SYNE2: variants seen among roughly 807,000 people sequenced by gnomAD.
SYNE2 encodes nesprin-2.
Under a neutral mutation model 856.3 loss-of-function variants are expected in SYNE2, and 431 were observed. That is an observed-to-expected ratio of 0.50 (90% confidence interval 0.47 to 0.55). The LOEUF is 0.55. Ranked by LOEUF, SYNE2 falls within the 20% of genes least tolerant of loss-of-function variation. The probability of loss-of-function intolerance (pLI) is 0.00; values close to 1 mark genes in which losing one functional copy is unlikely to be tolerated. For synonymous variants in SYNE2, 2,923 were observed against 2,872.3 expected, an observed-to-expected ratio of 1.02 and a Z score of -0.56; for missense variants, 8,129 against 8,023.2, an observed-to-expected ratio of 1.01 and a Z score of -0.50.
At chr14:64,136,745 A>G (rs1385885887) in intron 78 of SYNE2, among the ~76,000 whole-genome samples, 1 of 152,082 alleles carries the variant, frequency 6.6e-6, no homozygotes, top group East Asian at 1.9e-4. Context: ...TCAGTAGAAG[A>G]CCCTGGAAAT....
intron 64 of SYNE2, among the ~76,000 whole-genome samples, chr14:64,105,171 C>G (rs1285179298): frequency 6.6e-6 from 1 of 152,204 alleles, no homozygotes; most frequent in Non-Finnish European, 1.5e-5. Context: ...GAGTAGCCCT[C>G]TAATTGGTTT....
chr14:63,925,290 C>G (rs1159017776), intron 2 of SYNE2, among the ~76,000 whole-genome samples: 1 of 152,312 alleles, frequency 6.6e-6, no homozygotes, highest in African/African-American at 2.4e-5. Flanking sequence ...CCACTGCACT[C>G]CAGCCTGGGT....
At chr14:63,913,859 T>TAAATTTTTAAATTTAATTTAATTTA (rs1356988084) in intron 2 of SYNE2, among the ~76,000 whole-genome samples, 3 of 151,440 alleles carry the variant, frequency 2.0e-5, no homozygotes, top group Non-Finnish European at 2.9e-5. Context: ...AATTTAATTT[T>TAAATTTTTAAATTTAATTTAATTTA]AAATTTTTAA....
chr14:64,122,273 T>A lies in SYNE2; in HGVS notation c.13281-13T>A. ...GTTGATTATTCTCTTCACCTTTTGT[T>A]CTTCTTCAAAAGCAACCAGGCATCC... On this transcript the variant is annotated splice_polypyrimidine_tract_variant and intron_variant, in intron 69 of 115. Coordinates refer to ENST00000555002, the MANE Select transcript of SYNE2 (RefSeq NM_182914.3). 1 of 1,614,210 alleles carries A rather than the reference T, an allele frequency of 6.2e-7. No individual in the cohort carries two copies. Among genetic ancestry groups the A allele is most frequent in the Non-Finnish European group, 8.5e-7 (1 of 1,180,022 alleles).
At chr14:64,138,664 G>A (rs1223583826) in intron 79 of SYNE2, among the ~76,000 whole-genome samples, 2 of 152,162 alleles carry the variant, frequency 1.3e-5, no homozygotes, top group East Asian at 3.8e-4. Flanking sequence ...TAACAGAATA[G>A]TTTGAAATAG....
intron 1 of SYNE2, among the ~76,000 whole-genome samples, chr14:63,820,474 T>C (rs1008529125): frequency 6.6e-6 from 1 of 152,192 alleles, no homozygotes; most frequent in Non-Finnish European, 1.5e-5. Flanking sequence ...AGGAAAAATA[T>C]TGTAGTCTTG....
intron 2 of SYNE2, among the ~76,000 whole-genome samples, chr14:63,927,072 G>C (rs1265529754): frequency 1.3e-5 from 2 of 152,208 alleles, no homozygotes; most frequent in Non-Finnish European, 2.9e-5. Flanking sequence ...CCTGAGGCTA[G>C]AGAGGTGCTC....
intron 96 of SYNE2, among the ~76,000 whole-genome samples, chr14:64,180,089 G>A (rs567693449): frequency 9.9e-5 from 15 of 152,192 alleles, no homozygotes; most frequent in African/African-American, 2.6e-4. Context: ...AATTTTATTC[G>A]TATGGATAGC....
chr14:64,073,460 C>G (rs1276791299), intron 52 of SYNE2, among the ~76,000 whole-genome samples: 1 of 152,216 alleles, frequency 6.6e-6, no homozygotes, highest in Non-Finnish European at 1.5e-5. Context: ...GGAACTACAG[C>G]AGAGATCAAG....
At chr14:63,831,590 CTG>C (rs1274746481) in intron 1 of SYNE2, among the ~76,000 whole-genome samples, 1 of 112,504 alleles carries the variant, frequency 8.9e-6, no homozygotes, top group Non-Finnish European at 1.7e-5. Context: ...GGATCTCACT[CTG>C]TCTCCCAGGC....
chr14:63,927,022 G>A (rs2095675765), intron 2 of SYNE2, among the ~76,000 whole-genome samples: 4 of 152,220 alleles, frequency 2.6e-5, no homozygotes, highest in African/African-American at 4.8e-5. Flanking sequence ...GAAAGAAGGC[G>A]GGAGTGGCTG....
At chr14:63,980,807 A>G (rs1461446664) in intron 15 of SYNE2, 75 bp downstream of exon 15, 2 of 1,224,350 alleles carry the variant, frequency 1.6e-6, no homozygotes, top group Admixed American at 2.0e-5. Flanking sequence ...TGCTTTCTAT[A>G]TAATGTTTTA....
chr14:63,762,117 G>C, intron 1 of SYNE2: 1 of 448,300 alleles, frequency 2.2e-6, no homozygotes. Flanking sequence ...ATGATCCTAC[G>C]ATAGAAGATT....
At chr14:64,174,074 T>C (rs1039575845) in intron 94 of SYNE2, 4 of 532,996 alleles carry the variant, frequency 7.5e-6, no homozygotes, top group Non-Finnish European at 1.3e-5. Flanking sequence ...TTAAATTTTT[T>C]TTTTTTTTTT....
intron 104 of SYNE2, 102 bp from the exon 105 acceptor site, chr14:64,212,709 T>C: frequency 9.3e-7 from 1 of 1,077,758 alleles, no homozygotes; most frequent in East Asian, 2.4e-5. Flanking sequence ...AAAACAACAA[T>C]AATGACATTT....
intron 77 of SYNE2, 79 bp from the exon 78 acceptor site, chr14:64,133,990 G>A: frequency 6.5e-7 from 1 of 1,546,554 alleles, no homozygotes. Context: ...GTTCATTTTT[G>A]TTTTGTGATT....
In SYNE2 at chr14:64,100,555, T is replaced by TATAGATATATAG. The variant is rs1567299317; in HGVS notation, c.12382-1374_12382-1373insGATATATAGATA. Among the ~76,000 whole-genome samples, 53 of 122,048 alleles carry TATAGATATATAG rather than the reference T, an allele frequency of 4.3e-4. 3 individuals carry two copies. The East Asian group carries it at 5.9e-3, about 14-fold the overall frequency. 80.1% of individuals were successfully genotyped at this position (122,048 alleles called of 152,430 possible). ...AAATATATATATATATATATATATATATATATATATATATATTTATGACAT... is the reference window on the plus strand; with the variant it reads ...AAATATATATATATATATATATATATATAGATATATAGATATATATATATATATTTATGACAT... On this transcript the variant is annotated intron_variant, in intron 63 of 115. Transcript: ENST00000555002.
chr14:64,125,172 G>A lies in SYNE2; in HGVS notation c.13516G>A (p.Glu4506Lys). Residue 4506 changes from glutamate (E) to lysine (K), a missense_variant, in exon 71 of 116, where the codon GAA becomes AAA. This residue lies in a region of SYNE2 where 5,410 missense variants were observed against 5,284.8 expected (regional missense o/e 1.02). Coordinates refer to ENST00000555002, the MANE Select transcript of SYNE2 (RefSeq NM_182914.3). ...EELKTYTTQL[E>K]DLRQEASNLQ... ...ACTGAAAACCTATACCACCCAACTT[G>A]AAGACCTGCGCCAAGAAGCAAGTAA... 1.2e-6 allele frequency: 2 copies of A among 1,614,158 alleles called. No homozygotes were observed. The highest frequency in any genetic ancestry group is 1.1e-5 in the South Asian group (1 of 91,080).
chr14:64,133,466 TG>T (rs919782860), intron 77 of SYNE2, among the ~76,000 whole-genome samples: 59 of 152,186 alleles, frequency 3.9e-4, no homozygotes, highest in African/African-American at 1.4e-3. Flanking sequence ...CTCAGCTCTG[TG>T]GTGTGTTGGG....
Sources: gnomAD v4.1 joint callset for allele counts (sites outside exome capture counted in the v4.1 genomes callset) on GRCh38, gnomAD v4.1.1 for gene constraint, gnomAD v4.1.1 regional missense constraint, MANE v1.5 for transcripts, NCBI Gene and HGNC (gene_info 2026-07-23, HGNC 2026-07-21) for gene names.